Variants in CCDC85A observed in about 807,000 individuals in gnomAD.
CCDC85A encodes coiled-coil domain-containing protein 85A.
Under a neutral mutation model 50.2 loss-of-function variants are expected in CCDC85A, and 38 were observed. The observed-to-expected ratio is 0.76, with a 90% CI of 0.58 to 0.99. The LOEUF is 0.99. CCDC85A is among the 50% of genes least tolerant of loss of function. The pLI, the probability that CCDC85A is intolerant of heterozygous loss-of-function variation, is 0.00. For missense variants in CCDC85A, 820 were observed against 742.0 expected (o/e 1.11, Z -1.22); for synonymous variants, 366 against 301.4 (o/e 1.21, Z -2.22).
chr2:56,385,496 T>C lies in CCDC85A; in HGVS notation c.*1141T>C, dbSNP rs752350334. ...TGTACTGGAAATGCTATGATAGGTA[T>C]TTTGTGTTAATCCAAATGCAATGAT... is the stretch of plus-strand genomic sequence containing the variant. On this transcript the variant is annotated 3_prime_UTR_variant, in exon 6 of 6. Coordinates refer to ENST00000407595, the MANE Select transcript of CCDC85A (RefSeq NM_001080433.2). 7 of 152,362 alleles carry C rather than the reference T, an allele frequency of 4.6e-5. No individual in the cohort carries two copies. The highest frequency in any genetic ancestry group is 3.4e-3 in the Middle Eastern group (1 of 294). The allele number at this position is 152,362 out of a possible 1,614,324, so 9.4% of individuals were successfully genotyped here. A position where few individuals can be genotyped will look rare whatever the true frequency, so the allele number is the denominator to read the frequency against.
intron 2 of CCDC85A, among the ~76,000 whole-genome samples, chr2:56,219,121 A>T (rs923329220): frequency 6.7e-6 from 1 of 150,186 alleles, no homozygotes; most frequent in Non-Finnish European, 1.5e-5. Flanking sequence ...TCACACTGAC[A>T]TGCATCCATG....
intron 2 of CCDC85A, among the ~76,000 whole-genome samples, chr2:56,236,913 AAGGT>A (rs2103953793): frequency 6.6e-6 from 1 of 152,278 alleles, no homozygotes; most frequent in Non-Finnish European, 1.5e-5. Flanking sequence ...GGGAAGTAAC[AAGGT>A]AGGGCCCCTT....
intron 2 of CCDC85A, among the ~76,000 whole-genome samples, chr2:56,205,301 A>T (rs990248411): frequency 5.3e-5 from 8 of 151,926 alleles, no homozygotes; most frequent in African/African-American, 1.9e-4. Flanking sequence ...GGTTTTGATG[A>T]TTTTTTCCTG....
rs1676737574 is a variant in CCDC85A, at chr2:56,384,430, G to A, written c.*75G>A. ...AGACAAGAAGAAAAAGGAAAGAGTG[G>A]GTTTCCACAAACCTGGACTCATGGA... On this transcript the variant is annotated 3_prime_UTR_variant, in exon 6 of 6. Transcript: ENST00000407595. The A allele has an allele frequency of 1.2e-5, 16 of 1,299,032 alleles. No individual in the cohort carries two copies. The highest frequency in any genetic ancestry group is 1.7e-5 in the Non-Finnish European group (15 of 902,756). 80.5% of individuals were successfully genotyped at this position (1,299,032 alleles called of 1,614,324 possible). A position where few individuals can be genotyped will look rare whatever the true frequency, so the allele number is the denominator to read the frequency against.
chr2:56,290,921 T>C (rs1056104700), intron 2 of CCDC85A, among the ~76,000 whole-genome samples: 1 of 152,212 alleles, frequency 6.6e-6, no homozygotes, highest in African/African-American at 2.4e-5. Flanking sequence ...TTTTGGTGTC[T>C]TTAATATGCT....
chr2:56,216,938 A>G (rs1428697287), intron 2 of CCDC85A, among the ~76,000 whole-genome samples: 2 of 151,852 alleles, frequency 1.3e-5, no homozygotes, highest in Non-Finnish European at 2.9e-5. Context: ...CTTTAGTTCA[A>G]GGCAACCAAA....
chr2:56,220,674 G>A (rs755317966), intron 2 of CCDC85A, among the ~76,000 whole-genome samples: 1 of 151,960 alleles, frequency 6.6e-6, no homozygotes, highest in Non-Finnish European at 1.5e-5. Context: ...ATGACGTTCC[G>A]GAAGATCAGA....
intron 2 of CCDC85A, among the ~76,000 whole-genome samples, chr2:56,277,642 A>G (rs908424208): frequency 1.7e-4 from 26 of 152,344 alleles, no homozygotes; most frequent in African/African-American, 4.8e-4. Flanking sequence ...CTTCATTGGT[A>G]AATTCACTTA....
Position 56,306,825 on chromosome 2 carries a change from T to C in CCDC85A, c.1241-36054T>C, listed in dbSNP as rs149721239. On this transcript the variant is annotated intron_variant, in intron 2 of 5. Transcript: ENST00000407595. ...GAGAAAGATGCAGTGCCTTATCCTG[T>C]CAGACGAGACAATCTAGTAGGATAC... Among the ~76,000 whole-genome samples the C allele has an allele frequency of 1.6e-3, 247 of 152,288 alleles. 1 individual carries two copies. The highest frequency in any genetic ancestry group is 6.8e-3 in the Middle Eastern group (2 of 294).
intron 2 of CCDC85A, among the ~76,000 whole-genome samples, chr2:56,209,546 TA>T (rs1677102978): frequency 6.6e-6 from 1 of 152,046 alleles, no homozygotes; most frequent in South Asian, 2.1e-4. Flanking sequence ...GCAAAGGTTT[TA>T]ATCTATAGTG....
chr2:56,256,413 A>G lies in CCDC85A; in HGVS notation c.1240+62973A>G, dbSNP rs141765651. Among the ~76,000 whole-genome samples the G allele has an allele frequency of 2.6e-5, 4 of 152,312 alleles. No individual in the cohort carries two copies. In the South Asian group the frequency reaches 6.2e-4, roughly 24 times the overall value. Reference sequence around the variant, plus strand: ...TATTACTATTTATTAAGTGGGCACAATGTGTCCTTGGTGGCCTATTGATCA... The same window carrying G: ...TATTACTATTTATTAAGTGGGCACAGTGTGTCCTTGGTGGCCTATTGATCA... On this transcript the variant is annotated intron_variant, in intron 2 of 5. Transcript: ENST00000407595.
chr2:56,342,666 T>A (rs999563946), intron 2 of CCDC85A, among the ~76,000 whole-genome samples: 1 of 152,248 alleles, frequency 6.6e-6, no homozygotes, highest in African/African-American at 2.4e-5. Context: ...CTGTGTCTTA[T>A]CTAATATTTC....
intron 2 of CCDC85A, among the ~76,000 whole-genome samples, chr2:56,227,280 A>G (rs1004348223): frequency 6.6e-6 from 1 of 152,112 alleles, no homozygotes; most frequent in Non-Finnish European, 1.5e-5. Flanking sequence ...TTTCTATACA[A>G]CTGAGAATGT....
chr2:56,339,211 T>C (rs1674233790), intron 2 of CCDC85A, among the ~76,000 whole-genome samples: 1 of 152,192 alleles, frequency 6.6e-6, no homozygotes, highest in African/African-American at 2.4e-5. Context: ...ACTTAAAATG[T>C]TTTTGCCTTT....
chr2:56,270,646 G>C (rs1160900928), intron 2 of CCDC85A, among the ~76,000 whole-genome samples: 1 of 152,132 alleles, frequency 6.6e-6, no homozygotes, highest in Admixed American at 6.5e-5. Flanking sequence ...ATGAACTCTC[G>C]TTTTAGTTTT....
At chr2:56,339,622 G>C (rs1317036440) in intron 2 of CCDC85A, among the ~76,000 whole-genome samples, 1 of 152,192 alleles carries the variant, frequency 6.6e-6, no homozygotes, top group African/African-American at 2.4e-5. Context: ...TATAGATAGT[G>C]CAGCATAGGG....
rs544619231 is a variant in CCDC85A, at chr2:56,322,861, A to C, written c.1241-20018A>C. ...TATGCACATGTGTGTTTATTATGGC[A>C]CTATTCACAATAGCATAGACTTGGA... On this transcript the variant is annotated intron_variant, in intron 2 of 5. Transcript: ENST00000407595. 5.6e-4 allele frequency among the ~76,000 whole-genome samples: 85 copies of C among 152,352 alleles called. 1 individual carries two copies. The highest frequency in any genetic ancestry group is 3.0e-3 in the Admixed American group (46 of 15,290).
intron 3 of CCDC85A, among the ~76,000 whole-genome samples, chr2:56,352,314 G>A (rs549599554): frequency 6.6e-6 from 1 of 152,068 alleles, no homozygotes; most frequent in South Asian, 2.1e-4. Context: ...GACAATATAA[G>A]ACAGTTTAAG....
At chr2:56,289,476 G>A (rs1057509871) in intron 2 of CCDC85A, among the ~76,000 whole-genome samples, 3 of 152,140 alleles carry the variant, frequency 2.0e-5, no homozygotes. Context: ...GGGCAAAGGG[G>A]GTGATATGGG....
Sources: allele counts gnomAD v4.1 joint callset (sites outside exome capture counted in the v4.1 genomes callset), GRCh38; gene constraint gnomAD v4.1.1; transcripts MANE v1.5; gene names NCBI Gene and HGNC (gene_info 2026-07-23, HGNC 2026-07-21).